The following ZMYM2 variants were observed in gnomAD, a reference collection of about 807,000 sequenced individuals.
ZMYM2 encodes the protein zinc finger MYM-type containing 2.
A neutral mutation model predicts 162.8 loss-of-function variants in ZMYM2; 56 were observed. The observed-to-expected ratio is 0.34, with a 90% confidence interval of 0.28 to 0.43. ZMYM2 has a LOEUF of 0.43. ZMYM2 is among the 20% of genes least tolerant of loss of function. ZMYM2 has a pLI of 1.00. For synonymous variants in ZMYM2, 510 were observed against 541.6 expected (o/e 0.94, Z 0.81); for missense variants, 1,275 against 1,621.8 (o/e 0.79, Z 3.67).
chr13:20,009,221 T>G (rs960720754), intron 6 of ZMYM2, among the ~76,000 whole-genome samples: 6 of 152,098 alleles, frequency 3.9e-5, no homozygotes, highest in African/African-American at 1.4e-4. Flanking sequence ...CAGACAAAAT[T>G]AAGTGGACAA....
rs188897208 is a variant in ZMYM2, at chr13:19,999,104, C to T, written c.848-3746C>T. ...GCTTAGCACAAAAGAGAAAATATGT[C>T]CTCTAGCATTAATAGTTACCACACC... On this transcript the variant is annotated intron_variant, in intron 3 of 24. Transcript: ENST00000610343. Among the ~76,000 whole-genome samples, 302 of 152,286 alleles carry T rather than the reference C, an allele frequency of 2.0e-3. 1 individual carries two copies. Among genetic ancestry groups the T allele is most frequent in the Non-Finnish European group, 3.7e-3 (253 of 68,020 alleles).
At chr13:19,988,555 G>T (rs367806568) in intron 2 of ZMYM2, among the ~76,000 whole-genome samples, 64 of 152,146 alleles carry the variant, frequency 4.2e-4, no homozygotes, top group African/African-American at 1.4e-3. Flanking sequence ...AGGCTGAGGC[G>T]GGTGGATCAC....
chr13:19,923,901 CCT>C, the ZMYM2 span, among the ~76,000 whole-genome samples: 1 of 151,918 alleles, frequency 6.6e-6, no homozygotes, highest in Non-Finnish European at 1.5e-5. Context: ...AAACTCCTGA[CCT>C]CAGGTGATCC....
chr13:20,057,689 T>C (rs1055394574), intron 14 of ZMYM2, among the ~76,000 whole-genome samples: 9 of 152,186 alleles, frequency 5.9e-5, no homozygotes, highest in African/African-American at 1.7e-4. Context: ...AAATATTGTT[T>C]TATTATTAAA....
chr13:20,078,168 C>T (rs971937596), intron 21 of ZMYM2, among the ~76,000 whole-genome samples: 2 of 151,562 alleles, frequency 1.3e-5, no homozygotes, highest in African/African-American at 4.8e-5. Context: ...TTTTCTTGGG[C>T]GTAGCATCTG....
chr13:19,965,125 A>T, intron 2 of ZMYM2: 1 of 597,456 alleles, frequency 1.7e-6, no homozygotes, highest in Non-Finnish European at 2.4e-6. Flanking sequence ...AGCTATTCTA[A>T]GTAACATTGG....
chr13:19,958,054 TCTC>T (rs1284751786), upstream of ZMYM2, among the ~76,000 whole-genome samples: 5 of 152,166 alleles, frequency 3.3e-5, no homozygotes, highest in African/African-American at 9.6e-5. Flanking sequence ...GAGGACGTCG[TCTC>T]CTCCTGCTGC....
chr13:19,950,068 T>C, the ZMYM2 span, among the ~76,000 whole-genome samples: 1 of 151,264 alleles, frequency 6.6e-6, no homozygotes, highest in South Asian at 2.1e-4. Context: ...AACCCGGGAG[T>C]TGGAGACCAG....
At chr13:19,919,144 T>C in the ZMYM2 span, among the ~76,000 whole-genome samples, 1 of 152,158 alleles carries the variant, frequency 6.6e-6, no homozygotes, top group Non-Finnish European at 1.5e-5. Flanking sequence ...TTTTTTTTTT[T>C]TTCACTTAGC....
chr13:19,890,416 C>T, the ZMYM2 span, among the ~76,000 whole-genome samples: 3 of 149,744 alleles, frequency 2.0e-5, no homozygotes, highest in Non-Finnish European at 4.4e-5. Flanking sequence ...AATCCTCCTG[C>T]CTCGGCCTCC....
At chr13:19,999,276 A>C (rs992142373) in intron 3 of ZMYM2, among the ~76,000 whole-genome samples, 1 of 152,192 alleles carries the variant, frequency 6.6e-6, no homozygotes, top group Admixed American at 6.5e-5. Flanking sequence ...TTGTGGCAAC[A>C]TTGAGCCGAG....
the ZMYM2 span, among the ~76,000 whole-genome samples, chr13:19,881,848 G>A: frequency 6.6e-6 from 1 of 151,970 alleles, no homozygotes; most frequent in East Asian, 1.9e-4. Context: ...GCTGGGTGTG[G>A]TTGCACGCCT....
chr13:19,920,937 A>ATT, the ZMYM2 span, among the ~76,000 whole-genome samples: 2 of 138,290 alleles, frequency 1.4e-5, no homozygotes, highest in African/African-American at 2.7e-5. Flanking sequence ...TAATTTTTGT[A>ATT]TTTTTTTTTT....
Position 20,058,722 on chromosome 13 carries a change from G to T in ZMYM2, c.2623+18G>T. On this transcript the variant is annotated intron_variant, in intron 15 of 24. Transcript: ENST00000610343. ...TCAGACAGGTAACTTAGGACAATGTGACTTACATACTTCCCCATACCTTCA... is the reference window on the plus strand; with the variant it reads ...TCAGACAGGTAACTTAGGACAATGTTACTTACATACTTCCCCATACCTTCA... 6.2e-7 allele frequency: 1 copy of T among 1,612,160 alleles called. No homozygotes were observed. Among genetic ancestry groups the T allele is most frequent in the South Asian group, 1.1e-5 (1 of 90,788 alleles).
the ZMYM2 span, among the ~76,000 whole-genome samples, chr13:19,904,534 G>A: frequency 6.6e-6 from 1 of 151,902 alleles, no homozygotes; most frequent in African/African-American, 2.4e-5. Flanking sequence ...CTCCAGCCTG[G>A]GCAACAAGAG....
chr13:19,932,538 A>G, the ZMYM2 span, among the ~76,000 whole-genome samples: 5 of 151,760 alleles, frequency 3.3e-5, no homozygotes, highest in African/African-American at 1.2e-4. Flanking sequence ...AATCCCAGCT[A>G]CTCGGGAGGC....
At chr13:19,885,863 AT>A in the ZMYM2 span, among the ~76,000 whole-genome samples, 5 of 67,692 alleles carry the variant, frequency 7.4e-5, no homozygotes, top group Admixed American at 3.0e-4. Flanking sequence ...AAAAAAAAAA[AT>A]ATATATATGT....
At chr13:20,004,378 C>G (rs1024178746) in intron 4 of ZMYM2, among the ~76,000 whole-genome samples, 1 of 152,126 alleles carries the variant, frequency 6.6e-6, no homozygotes, top group African/African-American at 2.4e-5. Context: ...GCCTCAGCCT[C>G]CTGAGTAGCT....
At chr13:19,884,560 AG>A in the ZMYM2 span, among the ~76,000 whole-genome samples, 1 of 152,058 alleles carries the variant, frequency 6.6e-6, no homozygotes. Flanking sequence ...GCAACAGAGA[AG>A]GAAACCTGTA....
Sources: allele counts gnomAD v4.1 joint callset (sites outside exome capture counted in the v4.1 genomes callset), GRCh38; gene constraint gnomAD v4.1.1; transcripts MANE v1.5; gene names NCBI Gene and HGNC (gene_info 2026-07-23, HGNC 2026-07-21).